LARGE1: variants seen among roughly 807,000 people sequenced by gnomAD.
LARGE1 encodes the protein xylosyl- and glucuronyltransferase LARGE1.
Under a neutral mutation model 87.6 loss-of-function variants are expected in LARGE1, and 43 were observed. The observed-to-expected ratio is 0.49, with a 90% CI of 0.38 to 0.63. The LOEUF (loss-of-function observed/expected upper bound fraction) is 0.63, where lower values mean the gene tolerates loss of function less well. LARGE1 is among the 30% of genes least tolerant of loss of function. LARGE1 has a pLI of 0.00. For synonymous variants in LARGE1, 434 were observed against 394.6 expected, an observed-to-expected ratio of 1.10 and a Z score of -1.18; for missense variants, 802 against 1,000.2, an observed-to-expected ratio of 0.80 and a Z score of 2.67.
intron 11 of LARGE1, among the ~76,000 whole-genome samples, chr22:33,256,034 T>C (rs1927244711): frequency 6.6e-6 from 1 of 152,222 alleles, no homozygotes; most frequent in Non-Finnish European, 1.5e-5. Flanking sequence ...CAGTCAGTTG[T>C]CCCTTATTGA....
chr22:33,771,989 C>G (rs2085082146), intron 1 of LARGE1, among the ~76,000 whole-genome samples: 1 of 152,192 alleles, frequency 6.6e-6, no homozygotes, highest in African/African-American at 2.4e-5. Context: ...CTACCATCGC[C>G]CCATGCCCGT....
intron 10 of LARGE1, chr22:33,322,534 G>A (rs1936846913): frequency 6.6e-6 from 1 of 152,218 alleles, no homozygotes; most frequent in Admixed American, 6.5e-5. Context: ...CGTGGCTGAT[G>A]TGATCCATCT....
At chr22:33,398,274 T>G (rs2065816681) in intron 7 of LARGE1, among the ~76,000 whole-genome samples, 1 of 151,406 alleles carries the variant, frequency 6.6e-6, no homozygotes, top group African/African-American at 2.4e-5. Context: ...CTATCCCCAA[T>G]GGCTTCAGGA....
intron 5 of LARGE1, among the ~76,000 whole-genome samples, chr22:33,578,527 G>T (rs534496315): frequency 6.6e-6 from 1 of 151,954 alleles, no homozygotes; most frequent in Non-Finnish European, 1.5e-5. Context: ...AATAACAATC[G>T]CATTTGTTGA....
At chr22:33,699,668 T>C (rs1235198027) in intron 2 of LARGE1, among the ~76,000 whole-genome samples, 1 of 152,194 alleles carries the variant, frequency 6.6e-6, no homozygotes, top group Admixed American at 6.5e-5. Flanking sequence ...TCTTTATGTG[T>C]AGGCATAGCA....
At chr22:33,803,569 G>A (rs1222723522) in intron 1 of LARGE1, among the ~76,000 whole-genome samples, 1 of 152,166 alleles carries the variant, frequency 6.6e-6, no homozygotes, top group East Asian at 1.9e-4. Flanking sequence ...ATGACTTACA[G>A]CATCTCATGG....
At chr22:33,763,344 T>G (rs1167300254) in intron 1 of LARGE1, among the ~76,000 whole-genome samples, 1 of 152,076 alleles carries the variant, frequency 6.6e-6, no homozygotes, top group South Asian at 2.1e-4. Context: ...ATTTTCTAAA[T>G]GGAATTCTTT....
At chr22:33,738,273 C>A (rs2083733194) in intron 2 of LARGE1, among the ~76,000 whole-genome samples, 1 of 152,152 alleles carries the variant, frequency 6.6e-6, no homozygotes, top group African/African-American at 2.4e-5. Context: ...AAAGGCCAAT[C>A]CCACAGAGTA....
intron 6 of LARGE1, among the ~76,000 whole-genome samples, chr22:33,534,200 C>T (rs373554997): frequency 2.2e-4 from 33 of 151,770 alleles, no homozygotes; most frequent in African/African-American, 7.0e-4. Context: ...GTCAGGAGAT[C>T]GAGACCATCC....
chr22:33,871,420 C>G (rs1422983877), intron 1 of LARGE1, among the ~76,000 whole-genome samples: 2 of 152,178 alleles, frequency 1.3e-5, no homozygotes, highest in Non-Finnish European at 1.5e-5. Flanking sequence ...CAGACTCAGC[C>G]TGCCAGGTGC....
chr22:33,769,497 T>C (rs1256560980), intron 1 of LARGE1, among the ~76,000 whole-genome samples: 2 of 152,212 alleles, frequency 1.3e-5, no homozygotes, highest in East Asian at 3.8e-4. Context: ...TAAATATTTA[T>C]TGAATGGATC....
intron 11 of LARGE1, among the ~76,000 whole-genome samples, chr22:33,187,688 G>T (rs1372203111): frequency 1.3e-5 from 2 of 151,918 alleles, no homozygotes; most frequent in African/African-American, 4.8e-5. Context: ...GGAGGCCGAG[G>T]CAGGCAGATC....
intron 6 of LARGE1, among the ~76,000 whole-genome samples, chr22:33,536,720 A>G (rs971464029): frequency 6.6e-6 from 1 of 152,284 alleles, no homozygotes; most frequent in Non-Finnish European, 1.5e-5. Flanking sequence ...CACGTCAGGC[A>G]TGATGACTCC....
intron 11 of LARGE1, among the ~76,000 whole-genome samples, chr22:33,263,552 A>G (rs1035750180): frequency 6.6e-6 from 1 of 152,206 alleles, no homozygotes; most frequent in African/African-American, 2.4e-5. Context: ...CAAGGAACTG[A>G]ATTCTTCCAA....
intron 11 of LARGE1, among the ~76,000 whole-genome samples, chr22:33,192,837 T>G (rs777002975): frequency 2.6e-5 from 4 of 152,160 alleles, no homozygotes; most frequent in Non-Finnish European, 4.4e-5. Flanking sequence ...TCTGAGCTGA[T>G]TTTTGTGTAT....
chr22:33,804,986 C>T (rs1479293932), intron 1 of LARGE1, among the ~76,000 whole-genome samples: 3 of 152,202 alleles, frequency 2.0e-5, no homozygotes, highest in African/African-American at 4.8e-5. Flanking sequence ...AAAAGCACCA[C>T]TCATTCAATA....
chr22:33,773,522 T>C (rs1021770443), intron 1 of LARGE1, among the ~76,000 whole-genome samples: 1 of 152,196 alleles, frequency 6.6e-6, no homozygotes, highest in Non-Finnish European at 1.5e-5. Context: ...CAACCACCCA[T>C]TTTCATACAG....
chr22:33,833,487 A>G (rs954122894), intron 1 of LARGE1, among the ~76,000 whole-genome samples: 8 of 152,182 alleles, frequency 5.3e-5, no homozygotes, highest in African/African-American at 1.7e-4. Flanking sequence ...GCCTTCCACA[A>G]GCCAAGGAGA....
chr22:33,331,400 CTCT>C lies in LARGE1; in HGVS notation c.1287+6243_1287+6245del, dbSNP rs557956027. Among the ~76,000 whole-genome samples, 126 of 145,916 alleles carry C rather than the reference CTCT, an allele frequency of 8.6e-4. 1 individual carries two copies. The highest frequency in any genetic ancestry group is 1.5e-3 in the Non-Finnish European group (101 of 67,288). On this transcript the variant is annotated intron_variant, in intron 10 of 14. Transcript: ENST00000397394. ...CTTTTCTTTCTTTCTCTCTCTCTTT[CTCT>C]TCTTATCTTTTTTTTTTTTTTTTGA...
Sources: allele counts gnomAD v4.1 joint callset (sites outside exome capture counted in the v4.1 genomes callset), GRCh38; gene constraint gnomAD v4.1.1; transcripts MANE v1.5; gene names NCBI Gene and HGNC (gene_info 2026-07-23, HGNC 2026-07-21).